CLSTN2: variants seen among roughly 807,000 people sequenced by gnomAD.
CLSTN2 encodes calsyntenin 2.
CLSTN2 carries 48 observed loss-of-function variants against 101.2 expected under a neutral mutation model. That is an observed-to-expected ratio of 0.47 (90% CI 0.38 to 0.60). The LOEUF (loss-of-function observed/expected upper bound fraction) is 0.60. CLSTN2 is among the 20% of genes least tolerant of loss of function. The pLI is 0.00. For synonymous variants in CLSTN2, 481 were observed against 463.6 expected (o/e 1.04, Z -0.48); for missense variants, 1,160 against 1,238.2 (o/e 0.94, Z 0.95).
rs143107578 is a variant in CLSTN2 at position 140,470,923 on chromosome 3, G to A, written c.1344+4192G>A. ...TTTCACATAGCCCTTCAGGAGTGCT[G>A]CTGAGAGAGGCAGTTCCACAGAGGC... is the stretch of plus-strand genomic sequence containing the variant. On this transcript the variant is annotated intron_variant, in intron 8 of 16. Coordinates refer to ENST00000458420, the MANE Select transcript of CLSTN2 (RefSeq NM_022131.3). Among the ~76,000 whole-genome samples the A allele has an allele frequency of 3.0e-3, 456 of 152,270 alleles. 1 individual carries two copies. Among genetic ancestry groups the A allele is most frequent in the African/African-American group, 0.01 (434 of 41,556 alleles).
At chr3:140,231,825 G>T (rs1453885672) in intron 2 of CLSTN2, among the ~76,000 whole-genome samples, 3 of 152,176 alleles carry the variant, frequency 2.0e-5, no homozygotes, top group Admixed American at 2.0e-4. Context: ...CTGAATGAAA[G>T]ATTTCAGGTC....
rs1277581273 is a variant in CLSTN2 at position 140,419,817 on chromosome 3, A to G, written c.638-1308A>G. On this transcript the variant is annotated intron_variant, in intron 4 of 16. Transcript: ENST00000458420. ...TACGTGTATATACGTGTATATACGTATATATACGTATATGTGTATATATAT... is the reference window on the plus strand; with the variant it reads ...TACGTGTATATACGTGTATATACGTGTATATACGTATATGTGTATATATAT... Among the ~76,000 whole-genome samples, 21 of 45,122 alleles carry G rather than the reference A, an allele frequency of 4.7e-4. 7 individuals carry two copies. The highest frequency in any genetic ancestry group is 3.3e-3 in the African/African-American group (8 of 2,448). 29.6% of individuals were successfully genotyped at this position (45,122 alleles called of 152,430 possible).
intron 1 of CLSTN2, among the ~76,000 whole-genome samples, chr3:139,982,256 A>T (rs1360643977): frequency 5.3e-5 from 8 of 152,070 alleles, no homozygotes; most frequent in Non-Finnish European, 1.2e-4. Context: ...AGTCCGCCAA[A>T]TGAACTTACC....
intron 1 of CLSTN2, among the ~76,000 whole-genome samples, chr3:140,030,426 G>A (rs1255312739): frequency 6.6e-6 from 1 of 151,894 alleles, no homozygotes; most frequent in African/African-American, 2.4e-5. Context: ...AGGCTAAGAA[G>A]TAGACAGAAG....
chr3:140,044,110 T>C (rs1413445379), intron 1 of CLSTN2, among the ~76,000 whole-genome samples: 1 of 152,222 alleles, frequency 6.6e-6, no homozygotes, highest in Non-Finnish European at 1.5e-5. Context: ...ATCTATAAAT[T>C]ACCTTGGGCA....
intron 9 of CLSTN2, among the ~76,000 whole-genome samples, chr3:140,545,214 A>T (rs985985345): frequency 6.6e-6 from 1 of 152,168 alleles, no homozygotes; most frequent in Non-Finnish European, 1.5e-5. Flanking sequence ...GAAGAATAGC[A>T]GAGAAGTTGC....
At chr3:140,369,193 C>T (rs979833992) in intron 2 of CLSTN2, among the ~76,000 whole-genome samples, 6 of 152,024 alleles carry the variant, frequency 3.9e-5, no homozygotes, top group South Asian at 2.1e-4. Context: ...CATCTAAGAC[C>T]GATTGTTTAA....
intron 1 of CLSTN2, among the ~76,000 whole-genome samples, chr3:140,022,267 G>A (rs2007334196): frequency 1.3e-5 from 2 of 152,206 alleles, no homozygotes; most frequent in African/African-American, 4.8e-5. Context: ...GGTGAGGAGG[G>A]AAGAAATACA....
In CLSTN2 at chr3:140,081,808, T is replaced by C. The variant is rs75426154; in HGVS notation, c.110-94143T>C. On this transcript the variant is annotated intron_variant, in intron 1 of 16. Coordinates refer to ENST00000458420, the MANE Select transcript of CLSTN2 (RefSeq NM_022131.3). The stretch of plus-strand genomic sequence containing the variant: ...CTCTACTCTGGAGACTGGAGAGAGG[T>C]TGGGGTTCAGCTATCCAGCTCTGTA... Among the ~76,000 whole-genome samples, 837 of 135,732 alleles carry C rather than the reference T, an allele frequency of 6.2e-3. 25 individuals carry two copies. The East Asian group carries it at 0.09, about 15-fold the overall frequency. The allele number at this position is 135,732 out of a possible 152,430, so 89.0% of individuals were successfully genotyped here. A position where few individuals can be genotyped will look rare whatever the true frequency, so the allele number is the denominator to read the frequency against.
intron 1 of CLSTN2, among the ~76,000 whole-genome samples, chr3:140,012,290 G>A (rs771099690): frequency 6.6e-6 from 1 of 152,056 alleles, no homozygotes; most frequent in Non-Finnish European, 1.5e-5. Flanking sequence ...GAAAGGGGAG[G>A]GAGCAGGGAG....
At chr3:140,246,322 CCTGGTAAATAA>C (rs2086517249) in intron 2 of CLSTN2, among the ~76,000 whole-genome samples, 1 of 152,164 alleles carries the variant, frequency 6.6e-6, no homozygotes, top group Non-Finnish European at 1.5e-5. Context: ...AGAGAGCGTT[CCTGGTAAATAA>C]CTGTGGTTCT....
chr3:140,086,116 C>A (rs1201356094), intron 1 of CLSTN2, among the ~76,000 whole-genome samples: 1 of 152,172 alleles, frequency 6.6e-6, no homozygotes, highest in South Asian at 2.1e-4. Flanking sequence ...ACATATTATG[C>A]CAATGACAGG....
intron 9 of CLSTN2, among the ~76,000 whole-genome samples, chr3:140,536,796 G>A (rs188119940): frequency 6.6e-6 from 1 of 152,314 alleles, no homozygotes; most frequent in Non-Finnish European, 1.5e-5. Flanking sequence ...TGGCAGGGAA[G>A]TTTGGCATCC....
In CLSTN2 at chr3:140,042,098, C is replaced by G. The variant is rs114333520; in HGVS notation, c.109+106615C>G. Among the ~76,000 whole-genome samples, 1,410 of 152,262 alleles carry G rather than the reference C, an allele frequency of 9.3e-3. 18 individuals carry two copies. The highest frequency in any genetic ancestry group is 0.032 in the African/African-American group (1,338 of 41,544). ...TAGTATATTCACAGAGCTGTGTAAC[C>G]ATCACCAAAATTTTAGAACATTTTC... On this transcript the variant is annotated intron_variant, in intron 1 of 16. Coordinates refer to ENST00000458420, the MANE Select transcript of CLSTN2 (RefSeq NM_022131.3).
At chr3:139,946,423 GC>G (rs1935215370) in intron 1 of CLSTN2, among the ~76,000 whole-genome samples, 1 of 152,170 alleles carries the variant, frequency 6.6e-6, no homozygotes, top group African/African-American at 2.4e-5. Flanking sequence ...AGACCTTAGT[GC>G]CCCATTCAAC....
intron 4 of CLSTN2, among the ~76,000 whole-genome samples, chr3:140,411,423 ATAAAG>A (rs1213137519): frequency 6.6e-6 from 1 of 152,260 alleles, no homozygotes; most frequent in Non-Finnish European, 1.5e-5. Flanking sequence ...GTGTAAATAT[ATAAAG>A]TAAATATGAA....
At chr3:140,045,180 G>A (rs2007849423) in intron 1 of CLSTN2, among the ~76,000 whole-genome samples, 1 of 152,100 alleles carries the variant, frequency 6.6e-6, no homozygotes, top group Admixed American at 6.6e-5. Flanking sequence ...TTGGTTGGTA[G>A]GCTATTAGTT....
chr3:140,314,863 G>A (rs2087213924), intron 2 of CLSTN2, among the ~76,000 whole-genome samples: 1 of 152,044 alleles, frequency 6.6e-6, no homozygotes, highest in Admixed American at 6.6e-5. Context: ...CTATGTAAAT[G>A]TCTATCTCCC....
rs1985333132 is a variant in CLSTN2, at chr3:140,567,614, T to G, written c.*1361T>G. ...TGGCCAAGAGAATAGCAGGCAAGAA[T>G]TAGGGCCTTGACAGAATTTCCACGA... On this transcript the variant is annotated 3_prime_UTR_variant, in exon 17 of 17. Coordinates refer to ENST00000458420, the MANE Select transcript of CLSTN2 (RefSeq NM_022131.3). The G allele has an allele frequency of 6.6e-6, 1 of 152,194 alleles. No homozygotes were observed. Among genetic ancestry groups the G allele is most frequent in the Non-Finnish European group, 1.5e-5 (1 of 68,038 alleles). The allele number at this position is 152,194 out of a possible 1,614,324, so 9.4% of individuals were successfully genotyped here.
Sources: gnomAD v4.1 joint callset for allele counts (sites outside exome capture counted in the v4.1 genomes callset) on GRCh38, gnomAD v4.1.1 for gene constraint, MANE v1.5 for transcripts, NCBI Gene and HGNC (gene_info 2026-07-23, HGNC 2026-07-21) for gene names.